Variants in APBB1 observed in about 807,000 individuals in gnomAD.
The protein encoded by APBB1 is amyloid beta precursor protein binding family B member 1.
Under a neutral mutation model 78.4 loss-of-function variants are expected in APBB1, and 22 were observed. That is an observed-to-expected ratio of 0.28 (90% CI 0.20 to 0.40). The LOEUF is 0.40. Ranked by LOEUF, APBB1 falls within the 10% of genes least tolerant of loss-of-function variation. The pLI, the probability that APBB1 is intolerant of heterozygous loss-of-function variation, is 1.00. For missense variants in APBB1, 749 were observed against 932.4 expected, an observed-to-expected ratio of 0.80 and a Z score of 2.56; for synonymous variants, 369 against 372.7, an observed-to-expected ratio of 0.99 and a Z score of 0.12.
At chr11:6,410,430 T>C (rs1248022420) in intron 2 of APBB1, among the ~76,000 whole-genome samples, 197 bp downstream of exon 2, 1 of 152,156 alleles carries the variant, frequency 6.6e-6, no homozygotes, top group Non-Finnish European at 1.5e-5. Context: ...AATAGATCCA[T>C]CCATCCGGGC....
At chr11:6,405,798 C>T (rs1312677695) in intron 2 of APBB1, 3 of 523,984 alleles carry the variant, frequency 5.7e-6, no homozygotes, top group Admixed American at 6.4e-5. Flanking sequence ...GCACCTGAAA[C>T]TTAGCTGAGG....
chr11:6,404,983 C>T, intron 2 of APBB1: 1 of 1,433,424 alleles, frequency 7.0e-7, no homozygotes, highest in Non-Finnish European at 9.1e-7. Flanking sequence ...GGGGCCAGGA[C>T]CACCATGCTA....
In APBB1 at chr11:6,401,420, C is replaced by A. The variant is rs754789288; in HGVS notation, c.1513G>T (p.Glu505Ter). 1.2e-6 allele frequency: 2 copies of A among 1,613,680 alleles called. No individual in the cohort carries two copies. The highest frequency in any genetic ancestry group is 2.2e-5 in the South Asian group (2 of 91,048). Residue 505 changes from glutamate to a stop codon, truncating the protein, a stop_gained, in exon 11 of 15, where the codon GAA becomes TAA. Transcript: ENST00000609360. LOFTEE classifies it high-confidence loss of function. This position sits in a 1 kb window ranked among gnomAD's most constrained non-coding sequence, Gnocchi z 4.5. ...ACCAAGCAGCGGGCATTACGCCGTT[C>A]GGCCATGATCTGAGGAAGGAAGGGA... The part of the protein sequence containing the change: ...LHEICSKIMA[E>*]RRNARCLVNG...
Position 6,410,870 on chromosome 11 carries a change from C to G in APBB1, c.478G>C (p.Glu160Gln), listed in dbSNP as rs752709540. ...EEKAAGEAEE[E>Q]EEDDDDEEEE... is the part of the protein sequence containing the mutation. Reference sequence around the variant, plus strand: ...TCTTCATCATCATCATCCTCCTCCTCCTCCTCGGCCTCCCCGGCCGCCTTC... The same window carrying G: ...TCTTCATCATCATCATCCTCCTCCTGCTCCTCGGCCTCCCCGGCCGCCTTC... The change falls in exon 2 of 15, where the codon GAG becomes CAG. Residue 160 changes from glutamate to glutamine, a missense_variant. Physicochemically the swap from Glu to Gln is conservative, Grantham distance 29. Transcript: ENST00000609360. The G allele has an allele frequency of 1.2e-5, 19 of 1,613,958 alleles. No individual in the cohort carries two copies. Among genetic ancestry groups the G allele is most frequent in the Admixed American group, 1.7e-5 (1 of 60,006 alleles).
chr11:6,395,515 A>C lies in APBB1; in HGVS notation c.*19T>G. On this transcript the variant is annotated 3_prime_UTR_variant, in exon 15 of 15. Transcript: ENST00000609360. This position sits in a 1 kb window ranked among gnomAD's most constrained non-coding sequence, Gnocchi z 5.2. ...CCTGGGGCCCAACACAAGCAGGTGG[A>C]GGGAAGGTGGGGGCTTCTTCATGGG... The C allele has an allele frequency of 2.0e-6, 3 of 1,526,958 alleles. No homozygotes were observed. The highest frequency in any genetic ancestry group is 2.6e-6 in the Non-Finnish European group (3 of 1,138,200). The allele number at this position is 1,526,958 out of a possible 1,614,324, so 94.6% of individuals were successfully genotyped here. A position where few individuals can be genotyped will look rare whatever the true frequency, so the allele number is the denominator to read the frequency against.
chr11:6,398,169 C>T (rs1848325743), intron 12 of APBB1, among the ~76,000 whole-genome samples: 1 of 152,100 alleles, frequency 6.6e-6, no homozygotes, highest in South Asian at 2.1e-4. Flanking sequence ...ACACTGTGAC[C>T]TTGACCTCCA....
rs1446094681 is a variant in APBB1, at chr11:6,395,862, G to T, written c.1889C>A (p.Ala630Asp). 1.2e-6 allele frequency: 2 copies of T among 1,613,982 alleles called. No individual in the cohort carries two copies. The highest frequency in any genetic ancestry group is 1.7e-5 in the Admixed American group (1 of 59,998). ...CCAGAACATGTGGCAGCAGAAGGAG[G>T]CTGGGCCGGCAGCCATGATGAATGC... Reference protein sequence around the residue: ...TFAFIMAAGPASFCCHMFWCE... With the variant: ...TFAFIMAAGPDSFCCHMFWCE... Residue 630 changes from alanine to aspartate, a missense_variant, in exon 14 of 15, where the codon GCC becomes GAC. Around this residue, in one of 3 missense-constraint regions of APBB1, gnomAD observed 96 missense variants for 116.0 expected, o/e 0.83. Coordinates refer to ENST00000609360, the MANE Select transcript of APBB1 (RefSeq NM_001164.5). The surrounding 1 kb of genome is among the most constrained non-coding windows in gnomAD (Gnocchi z 5.2).
chr11:6,406,054 C>T (rs541657553), intron 2 of APBB1, among the ~76,000 whole-genome samples: 2 of 152,288 alleles, frequency 1.3e-5, no homozygotes, highest in East Asian at 1.9e-4. Flanking sequence ...TTCATCCTTC[C>T]GATCTGTCCT....
At position 6,401,767 on chromosome 11, in the gene APBB1, C is replaced by T. The variant is rs1848526769; in HGVS notation, c.1389-79G>A. 1 of 1,533,224 alleles carries T rather than the reference C, an allele frequency of 6.5e-7. No homozygotes were observed. Among genetic ancestry groups the T allele is most frequent in the Admixed American group, 1.7e-5 (1 of 58,774 alleles). 95.0% of individuals were successfully genotyped at this position (1,533,224 alleles called of 1,614,324 possible). ...GGTCCCCACCCCACCCACGTCCTCC[C>T]TGCCCATCACAGCTCCTCCAGGGCT... On this transcript the variant is annotated intron_variant, in intron 9 of 14. Coordinates refer to ENST00000609360, the MANE Select transcript of APBB1 (RefSeq NM_001164.5). This position sits in a 1 kb window ranked among gnomAD's most constrained non-coding sequence, Gnocchi z 4.5.
intron 2 of APBB1, among the ~76,000 whole-genome samples, chr11:6,409,884 G>A (rs1848914673): frequency 6.6e-6 from 1 of 152,146 alleles, no homozygotes; most frequent in East Asian, 1.9e-4. Flanking sequence ...TACCCAAAGG[G>A]TTTTCTTTTC....
chr11:6,404,513 C>T, intron 2 of APBB1: 1 of 1,444,714 alleles, frequency 6.9e-7, no homozygotes, highest in South Asian at 1.3e-5. Context: ...ACACGTCAAA[C>T]CCTGCCAAAT....
At position 6,402,744 on chromosome 11, in the gene APBB1, G is replaced by T. The variant is rs1391833977; in HGVS notation, c.1105-19C>A. 3.1e-6 allele frequency: 5 copies of T among 1,613,848 alleles called. No individual in the cohort carries two copies. Among genetic ancestry groups the T allele is most frequent in the South Asian group, 2.2e-5 (2 of 91,070 alleles). Reference sequence around the variant, plus strand: ...CGAAACACTGCCAGACACAGAAGAGGGGCAGGAGGTAGAGGATCTGAGTCA... The same window carrying T: ...CGAAACACTGCCAGACACAGAAGAGTGGCAGGAGGTAGAGGATCTGAGTCA... On this transcript the variant is annotated intron_variant, in intron 6 of 14. Transcript: ENST00000609360.
chr11:6,396,708 C>T (rs1848246164), intron 12 of APBB1: 1 of 156,556 alleles, frequency 6.4e-6, no homozygotes, highest in African/African-American at 2.4e-5. Context: ...TGTGCCCACA[C>T]AACAACATCA....
Position 6,395,416 on chromosome 11 carries a change from G to T in APBB1, c.*118C>A. ...CTAGGCAGGGAACCGTAGCTACTGG[G>T]GAGGGGCATATTTGGGAGGCCTGAG... On this transcript the variant is annotated 3_prime_UTR_variant, in exon 15 of 15. Transcript: ENST00000609360. This position sits in a 1 kb window ranked among gnomAD's most constrained non-coding sequence, Gnocchi z 5.2. 8.8e-7 allele frequency: 1 copy of T among 1,132,018 alleles called. No individual in the cohort carries two copies. Among genetic ancestry groups the T allele is most frequent in the East Asian group, 2.7e-5 (1 of 36,436 alleles). 70.1% of individuals were successfully genotyped at this position (1,132,018 alleles called of 1,614,324 possible).
In APBB1 at chr11:6,402,581, C is replaced by T. The variant is rs1390497823; in HGVS notation, c.1249G>A (p.Gly417Arg). The T allele has an allele frequency of 6.2e-7, 1 of 1,613,986 alleles. No homozygotes were observed. Among genetic ancestry groups the T allele is most frequent in the East Asian group, 2.2e-5 (1 of 44,884 alleles). ...CCCCCGGCTCAGGTCCTTACTTCCC[C>T]CCAGCCCCCAGACATGGGGTCATGC... ...NLHDPMSGGW[G>R]EGKDLLLQLE... The change falls in exon 7 of 15, where the codon GGG becomes AGG. Residue 417 changes from glycine to arginine, a missense_variant. Around this residue, in one of 3 missense-constraint regions of APBB1, gnomAD observed 635 missense variants for 765.0 expected, o/e 0.83. Transcript: ENST00000609360.
At chr11:6,412,246 G>A (rs911780985) in intron 1 of APBB1, among the ~76,000 whole-genome samples, 1 of 152,208 alleles carries the variant, frequency 6.6e-6, no homozygotes, top group East Asian at 1.9e-4. Context: ...TCTGCCTCTC[G>A]GGTTCAAGTG....
rs773189149 is a variant in APBB1, at chr11:6,401,217, G to A, written c.1588+128C>T. On this transcript the variant is annotated intron_variant, in intron 11 of 14. Transcript: ENST00000609360. This position sits in a 1 kb window ranked among gnomAD's most constrained non-coding sequence, Gnocchi z 4.5. The stretch of plus-strand genomic sequence containing the variant: ...CTCCCTTTAACCGGAGTCCCTCCAC[G>A]TATTGGAGTATTCAGTCTTCATGTG... 2.8e-4 allele frequency: 458 copies of A among 1,610,338 alleles called. No homozygotes were observed. Among genetic ancestry groups the A allele is most frequent in the Non-Finnish European group, 3.7e-4 (439 of 1,178,202 alleles).
At chr11:6,400,433 T>G (rs900328588) in intron 12 of APBB1, among the ~76,000 whole-genome samples, 36 of 151,808 alleles carry the variant, frequency 2.4e-4, no homozygotes, top group African/African-American at 8.5e-4. Flanking sequence ...TCCCAGCTAT[T>G]CAGGAGGCTA....
chr11:6,401,102 G>A lies in APBB1; in HGVS notation c.1589-30C>T. 6.2e-7 allele frequency: 1 copy of A among 1,614,090 alleles called. No individual in the cohort carries two copies. The highest frequency in any genetic ancestry group is 8.5e-7 in the Non-Finnish European group (1 of 1,180,010). ...GGGAAAGAAGAGAAGGTTGATCATG[G>A]TGGCAGACCTTGCTCACCCGCAGCC... is the stretch of plus-strand genomic sequence containing the variant. On this transcript the variant is annotated intron_variant, in intron 11 of 14. Transcript: ENST00000609360. The surrounding 1 kb of genome is among the most constrained non-coding windows in gnomAD (Gnocchi z 4.5).
Sources: gnomAD v4.1 joint callset for allele counts (sites outside exome capture counted in the v4.1 genomes callset) on GRCh38, gnomAD v4.1.1 for gene constraint, gnomAD v4.1.1 regional missense constraint, Gnocchi (gnomAD v3.1) non-coding constraint, MANE v1.5 for transcripts, NCBI Gene and HGNC (gene_info 2026-07-23, HGNC 2026-07-21) for gene names.